Variants in FAF1 observed in about 807,000 individuals in gnomAD.
The protein encoded by FAF1 is Fas associated factor 1, also known as FAS-associated factor 1.
FAF1 carries 25 observed loss-of-function variants against 92.5 expected under a neutral mutation model. The ratio of observed to expected loss-of-function variants is 0.27; its 90% CI spans 0.20 to 0.38. The LOEUF (loss-of-function observed/expected upper bound fraction) is 0.38. Ranked by LOEUF, FAF1 falls within the 10% of genes least tolerant of loss-of-function variation. The pLI is 1.00. For missense variants in FAF1, 636 were observed against 793.3 expected, an observed-to-expected ratio of 0.80 and a Z score of 2.38; for synonymous variants, 234 against 273.2, an observed-to-expected ratio of 0.86 and a Z score of 1.42.
rs1645259486 is a variant in FAF1 at position 50,955,570 on chromosome 1, A to T, written c.45+4197T>A. ...TGGTGGTGCAGCCACTATAGAAAAC[A>T]ATATGACAGTTCCTCAAAAAAATTA... is the stretch of plus-strand genomic sequence containing the variant. On this transcript the variant is annotated intron_variant, in intron 1 of 18. Coordinates refer to ENST00000396153, the MANE Select transcript of FAF1 (RefSeq NM_007051.3). 3.9e-5 allele frequency among the ~76,000 whole-genome samples: 6 copies of T among 152,376 alleles called. No homozygotes were observed. In the South Asian group the frequency reaches 1.2e-3, roughly 32 times the overall value.
At chr1:50,744,282 C>T (rs531014105) in intron 5 of FAF1, among the ~76,000 whole-genome samples, 4 of 152,210 alleles carry the variant, frequency 2.6e-5, no homozygotes, top group South Asian at 2.1e-4. Context: ...GTTCCATAAT[C>T]AATACTTGAC....
chr1:50,885,997 C>A (rs191548888), intron 1 of FAF1, among the ~76,000 whole-genome samples: 2 of 152,152 alleles, frequency 1.3e-5, no homozygotes, highest in Non-Finnish European at 2.9e-5. Flanking sequence ...ATCAGCCCCC[C>A]TCTTTTTAAC....
intron 2 of FAF1, among the ~76,000 whole-genome samples, chr1:50,850,825 T>G (rs1426768494): frequency 6.6e-6 from 1 of 152,158 alleles, no homozygotes; most frequent in Non-Finnish European, 1.5e-5. Flanking sequence ...ACAGGAATTT[T>G]AACTGTCATA....
chr1:50,658,459 A>T (rs969450715), intron 7 of FAF1, among the ~76,000 whole-genome samples: 1 of 152,210 alleles, frequency 6.6e-6, no homozygotes, highest in Admixed American at 6.5e-5. Flanking sequence ...AGTATTATGA[A>T]ATAAACAGTA....
At chr1:50,897,320 T>G (rs1644765571) in intron 1 of FAF1, among the ~76,000 whole-genome samples, 1 of 152,222 alleles carries the variant, frequency 6.6e-6, no homozygotes, top group Admixed American at 6.5e-5. Context: ...TATGCACTGA[T>G]GTGCATGGGC....
chr1:50,871,837 G>A (rs943080630), intron 1 of FAF1, among the ~76,000 whole-genome samples: 2 of 151,978 alleles, frequency 1.3e-5, no homozygotes, highest in Non-Finnish European at 2.9e-5. Context: ...AAAACGAGGC[G>A]GGCGGATCAC....
At chr1:50,456,007 GGAGATGGCAGTGAGCT>G (rs1646348241) in intron 18 of FAF1, among the ~76,000 whole-genome samples, 1 of 152,016 alleles carries the variant, frequency 6.6e-6, no homozygotes, top group Non-Finnish European at 1.5e-5. Flanking sequence ...CCTGGGAGGC[GGAGATGGCAGTGAGCT>G]GAGATGGCAC....
chr1:50,807,389 T>C (rs933750205), intron 2 of FAF1, among the ~76,000 whole-genome samples: 1 of 152,220 alleles, frequency 6.6e-6, no homozygotes, highest in East Asian at 1.9e-4. Context: ...GTAATGCCGG[T>C]AGGGCGAAGG....
chr1:50,819,362 C>T (rs888417925), intron 2 of FAF1, among the ~76,000 whole-genome samples: 2 of 151,570 alleles, frequency 1.3e-5, no homozygotes, highest in Admixed American at 6.6e-5. Context: ...CGCCTGTAAT[C>T]CCAGCACTTT....
rs1651789653 is a variant in FAF1, at chr1:50,596,024, A to G, written c.840+97T>C. On this transcript the variant is annotated intron_variant, in intron 9 of 18. Coordinates refer to ENST00000396153, the MANE Select transcript of FAF1 (RefSeq NM_007051.3). ...ATTTAATTAATGCTACATTAACTTTATCTGTTCATTGCTCTGGCAGATAAA... is the reference window on the plus strand; with the variant it reads ...ATTTAATTAATGCTACATTAACTTTGTCTGTTCATTGCTCTGGCAGATAAA... 5 of 768,286 alleles carry G rather than the reference A, an allele frequency of 6.5e-6. No homozygotes were observed. The East Asian group carries it at 1.2e-4, about 19-fold the overall frequency. The allele number at this position is 768,286 out of a possible 1,614,324, so 47.6% of individuals were successfully genotyped here. A position where few individuals can be genotyped will look rare whatever the true frequency, so the allele number is the denominator to read the frequency against.
intron 1 of FAF1, among the ~76,000 whole-genome samples, chr1:50,917,677 AGG>A (rs1244149006): frequency 5.3e-5 from 8 of 150,270 alleles, no homozygotes; most frequent in African/African-American, 2.0e-4. Flanking sequence ...AGGAAAGGAA[AGG>A]AAAGGAAAGG....
At chr1:50,824,596 G>A (rs1370000044) in intron 2 of FAF1, among the ~76,000 whole-genome samples, 1 of 152,094 alleles carries the variant, frequency 6.6e-6, no homozygotes, top group African/African-American at 2.4e-5. Flanking sequence ...ACTGTATGAT[G>A]TAGCAATTCC....
intron 8 of FAF1, among the ~76,000 whole-genome samples, chr1:50,612,893 C>CTA (rs1652743906): frequency 6.6e-6 from 1 of 152,152 alleles, no homozygotes; most frequent in African/African-American, 2.4e-5. Flanking sequence ...TTGTGAAGCT[C>CTA]TAGAATTAGT....
chr1:50,471,453 T>C (rs1038370504), intron 18 of FAF1, among the ~76,000 whole-genome samples: 6 of 152,212 alleles, frequency 3.9e-5, no homozygotes, highest in Non-Finnish European at 8.8e-5. Context: ...ATTATACTCA[T>C]TCTCCTGTTC....
At chr1:50,538,673 A>G (rs529605455) in intron 14 of FAF1, among the ~76,000 whole-genome samples, 1 of 152,144 alleles carries the variant, frequency 6.6e-6, no homozygotes, top group African/African-American at 2.4e-5. Flanking sequence ...AGTTCTTGCA[A>G]CATTGCCTCT....
At chr1:50,596,009 T>C in intron 9 of FAF1, 112 bp downstream of exon 9, 5 of 688,576 alleles carry the variant, frequency 7.3e-6, no homozygotes, top group South Asian at 1.9e-5. Flanking sequence ...ATTTAATTAA[T>C]GCTACATTAA....
chr1:50,490,491 A>AAAGG lies in FAF1; in HGVS notation c.1653+93_1653+96dup, dbSNP rs57779128. ...GAAAGAAGGAAGGAAGGAAGGAAGG[A>AAAGG]AAGGAAGGAAGGAAGGAAGGAAGGA... On this transcript the variant is annotated intron_variant, in intron 17 of 18. Coordinates refer to ENST00000396153, the MANE Select transcript of FAF1 (RefSeq NM_007051.3). 758 of 559,372 alleles carry AAAGG rather than the reference A, an allele frequency of 1.4e-3. 32 individuals carry two copies. Among genetic ancestry groups the AAAGG allele is most frequent in the African/African-American group, 0.012 (485 of 41,066 alleles). 34.7% of individuals were successfully genotyped at this position (559,372 alleles called of 1,614,324 possible).
At chr1:50,672,373 G>T (rs1655935232) in intron 7 of FAF1, among the ~76,000 whole-genome samples, 1 of 151,950 alleles carries the variant, frequency 6.6e-6, no homozygotes. Flanking sequence ...GATTTTTTGA[G>T]ATGGATTTAT....
intron 18 of FAF1, among the ~76,000 whole-genome samples, chr1:50,469,959 C>A (rs1164369235): frequency 6.6e-6 from 1 of 152,092 alleles, no homozygotes; most frequent in Non-Finnish European, 1.5e-5. Flanking sequence ...AGCAGTAGTA[C>A]CTTTAACATG....
Sources: gnomAD v4.1 joint callset for allele counts (sites outside exome capture counted in the v4.1 genomes callset) on GRCh38, gnomAD v4.1.1 for gene constraint, MANE v1.5 for transcripts, NCBI Gene and HGNC (gene_info 2026-07-23, HGNC 2026-07-21) for gene names.